Variants in RPIA observed in about 807,000 individuals in gnomAD.
RPIA encodes the protein ribose 5-phosphate isomerase A, also known as ribose-5-phosphate isomerase.
In RPIA, 29 loss-of-function variants were observed where a neutral mutation model predicts 37.8. That is an observed-to-expected ratio of 0.77 (90% CI 0.57 to 1.05). The LOEUF is 1.05. Among genes scored for constraint, RPIA ranks in the 50% least tolerant of loss-of-function variants. The probability of loss-of-function intolerance (pLI) is 0.00; values close to 1 mark genes in which losing one functional copy is unlikely to be tolerated. For missense variants in RPIA, 385 were observed against 413.6 expected (o/e 0.93, Z 0.60); for synonymous variants, 167 against 157.0 (o/e 1.06, Z -0.48).
rs59981047 is a variant in RPIA, at chr2:88,708,754, ATT to A, written c.402+8709_402+8710del. On this transcript the variant is annotated intron_variant, in intron 3 of 8. Transcript: ENST00000283646. The stretch of plus-strand genomic sequence containing the variant: ...AGCTTTTGTTAATTTTGCCAAATGG[ATT>A]TTTTTTTTTTTTTTTTTTGAGACGG... Among the ~76,000 whole-genome samples, 275 of 128,078 alleles carry A rather than the reference ATT, an allele frequency of 2.1e-3. 2 individuals carry two copies. Among genetic ancestry groups the A allele is most frequent in the African/African-American group, 5.5e-3 (183 of 33,512 alleles). The allele number at this position is 128,078 out of a possible 152,430, so 84.0% of individuals were successfully genotyped here. A position where few individuals can be genotyped will look rare whatever the true frequency, so the allele number is the denominator to read the frequency against.
intron 3 of RPIA, among the ~76,000 whole-genome samples, chr2:88,721,561 ACACACACACAC>A (rs1444695728): frequency 4.1e-4 from 28 of 67,820 alleles, no homozygotes; most frequent in African/African-American, 1.1e-3. Flanking sequence ...ACACACACAC[ACACACACACAC>A]CCCCCCCCCC....
At chr2:88,698,623 C>T in intron 2 of RPIA, 79 bp downstream of exon 2, 1 of 1,364,946 alleles carries the variant, frequency 7.3e-7, no homozygotes, top group South Asian at 1.2e-5. Flanking sequence ...GGAAGTGGCA[C>T]ACAGGTTTGG....
intron 3 of RPIA, among the ~76,000 whole-genome samples, chr2:88,708,130 G>T (rs549387645): frequency 6.6e-6 from 1 of 152,218 alleles, no homozygotes; most frequent in Non-Finnish European, 1.5e-5. Flanking sequence ...AAAGATATAT[G>T]CAGAAGAAAT....
rs1189003683 is a variant in RPIA, at chr2:88,692,077, C to T, written c.285+94C>T. The T allele has an allele frequency of 4.1e-6, 6 of 1,463,450 alleles. No homozygotes were observed. The East Asian group carries it at 9.9e-5, about 24-fold the overall frequency. 90.7% of individuals were successfully genotyped at this position (1,463,450 alleles called of 1,614,324 possible). ...GGGTGCTGCCGGGGCGCGCCTAGCT[C>T]CTGGCAGGGCGGGAGCTGAGTGAGA... On this transcript the variant is annotated intron_variant, in intron 1 of 8. Transcript: ENST00000283646.
intron 1 of RPIA, 36 bp downstream of exon 1, chr2:88,692,019 T>C (rs772807178): frequency 2.6e-6 from 4 of 1,549,898 alleles, no homozygotes. Flanking sequence ...GGGGCGCATG[T>C]CCTTGGCGTG....
chr2:88,722,856 T>C (rs1332809665), intron 3 of RPIA, among the ~76,000 whole-genome samples: 3 of 152,198 alleles, frequency 2.0e-5, no homozygotes, highest in African/African-American at 7.2e-5. Flanking sequence ...GTTCAACTCA[T>C]TATAAACCTC....
chr2:88,741,164 A>G (rs1420767231), intron 8 of RPIA, among the ~76,000 whole-genome samples: 3 of 152,164 alleles, frequency 2.0e-5, no homozygotes, highest in African/African-American at 7.2e-5. Context: ...CCATTACCCA[A>G]GCAGCGTACA....
chr2:88,741,062 T>G (rs1673376202), intron 8 of RPIA, among the ~76,000 whole-genome samples: 1 of 152,166 alleles, frequency 6.6e-6, no homozygotes, highest in Non-Finnish European at 1.5e-5. Flanking sequence ...TTTTTTTAAT[T>G]TTTAAAATTA....
At chr2:88,726,397 T>G (rs1452513812) in intron 3 of RPIA, among the ~76,000 whole-genome samples, 1 of 152,016 alleles carries the variant, frequency 6.6e-6, no homozygotes, top group African/African-American at 2.4e-5. Context: ...CAGCTATTGA[T>G]AGTGTTAGTG....
chr2:88,720,446 G>A (rs999017078), intron 3 of RPIA, among the ~76,000 whole-genome samples: 1 of 151,854 alleles, frequency 6.6e-6, no homozygotes, highest in African/African-American at 2.4e-5. Flanking sequence ...AATGGAACTT[G>A]AGGGGAAAAA....
In RPIA at chr2:88,715,485, A is replaced by G. The variant is rs147325134; in HGVS notation, c.403-13793A>G. ...CCATGACTCTAATGTCAGAAATTCT[A>G]TCTATAGGAACAGTGAGGATACAAG... On this transcript the variant is annotated intron_variant, in intron 3 of 8. Coordinates refer to ENST00000283646, the MANE Select transcript of RPIA (RefSeq NM_144563.3). Among the ~76,000 whole-genome samples the G allele has an allele frequency of 2.7e-3, 407 of 152,338 alleles. 2 individuals are homozygous for G. The highest frequency in any genetic ancestry group is 9.2e-3 in the African/African-American group (384 of 41,572).
At chr2:88,734,133 C>G (rs1020735048) in intron 4 of RPIA, among the ~76,000 whole-genome samples, 1 of 151,702 alleles carries the variant, frequency 6.6e-6, no homozygotes, top group Non-Finnish European at 1.5e-5. Context: ...AATTTAGTAG[C>G]ACAGATATTA....
intron 1 of RPIA, among the ~76,000 whole-genome samples, chr2:88,693,126 T>C (rs1676966259): frequency 6.6e-6 from 1 of 152,236 alleles, no homozygotes; most frequent in Admixed American, 6.5e-5. Context: ...GACAATAAGC[T>C]GAAATTTCAA....
intron 1 of RPIA, 143 bp downstream of exon 1, chr2:88,692,126 C>G: frequency 9.9e-7 from 1 of 1,010,788 alleles, no homozygotes; most frequent in South Asian, 1.6e-5. Context: ...GCACTTTACC[C>G]GAGTTTAGAC....
chr2:88,701,619 A>C, intron 3 of RPIA, among the ~76,000 whole-genome samples: 1 of 324 alleles, frequency 3.1e-3, no homozygotes, highest in Non-Finnish European at 6.0e-3. Flanking sequence ...AGGTGATTGG[A>C]TATTCTAACA....
intron 1 of RPIA, among the ~76,000 whole-genome samples, chr2:88,694,091 G>A (rs950558941): frequency 1.3e-5 from 2 of 152,252 alleles, no homozygotes; most frequent in African/African-American, 4.8e-5. Context: ...TTCTGATGTT[G>A]CACATACATG....
At chr2:88,702,665 C>T (rs1356931067) in intron 3 of RPIA, among the ~76,000 whole-genome samples, 1 of 152,196 alleles carries the variant, frequency 6.6e-6, no homozygotes, top group Non-Finnish European at 1.5e-5. Context: ...TATGGGAGTA[C>T]AATTCAAGAT....
intron 7 of RPIA, among the ~76,000 whole-genome samples, chr2:88,737,725 G>A (rs1673331369): frequency 1.3e-5 from 2 of 151,638 alleles, no homozygotes; most frequent in Non-Finnish European, 2.9e-5. Flanking sequence ...GCTCATGTGA[G>A]TAAAAATAGC....
intron 3 of RPIA, among the ~76,000 whole-genome samples, chr2:88,721,481 T>G (rs1165841540): frequency 6.8e-6 from 1 of 147,228 alleles, no homozygotes; most frequent in East Asian, 1.9e-4. Context: ...AGTATATTGT[T>G]TTATTATTAT....
Sources: allele counts gnomAD v4.1 joint callset (sites outside exome capture counted in the v4.1 genomes callset), GRCh38; gene constraint gnomAD v4.1.1; transcripts MANE v1.5; gene names NCBI Gene and HGNC (gene_info 2026-07-23, HGNC 2026-07-21).